The following NEGR1 variants were observed in gnomAD, a reference collection of about 807,000 sequenced individuals.
The protein encoded by NEGR1 is IgLON family member 4.
In NEGR1, 10 loss-of-function variants were observed where a neutral mutation model predicts 40.9. The ratio of observed to expected loss-of-function variants is 0.24; its 90% CI spans 0.15 to 0.42. The LOEUF is 0.42. Among genes scored for constraint, NEGR1 ranks in the 10% least tolerant of loss-of-function variants. The probability of loss-of-function intolerance (pLI) is 1.00; values close to 1 mark genes in which losing one functional copy is unlikely to be tolerated. For missense variants in NEGR1, 352 were observed against 438.9 expected (o/e 0.80, Z 1.77); for synonymous variants, 185 against 166.8 (o/e 1.11, Z -0.84).
intron 1 of NEGR1, among the ~76,000 whole-genome samples, chr1:72,130,462 G>A (rs1317022439): frequency 6.6e-6 from 1 of 152,114 alleles, no homozygotes; most frequent in Non-Finnish European, 1.5e-5. Flanking sequence ...TCTGTCATGA[G>A]GAAGCTGAAG....
chr1:71,493,534 C>CTT (rs1276865045), intron 6 of NEGR1, among the ~76,000 whole-genome samples: 1 of 152,082 alleles, frequency 6.6e-6, no homozygotes, highest in African/African-American at 2.4e-5. Flanking sequence ...ACTATTTTCT[C>CTT]TTTTTAAGTC....
intron 6 of NEGR1, among the ~76,000 whole-genome samples, chr1:71,529,846 C>A (rs1647300127): frequency 6.6e-6 from 1 of 151,112 alleles, no homozygotes; most frequent in African/African-American, 2.4e-5. Context: ...GAATAGTTTT[C>A]TTTCATTCTT....
intron 1 of NEGR1, among the ~76,000 whole-genome samples, chr1:72,131,707 G>A (rs1195314500): frequency 1.3e-5 from 2 of 152,096 alleles, no homozygotes; most frequent in African/African-American, 2.4e-5. Context: ...TGTAAATTAG[G>A]TGATAAACCT....
rs114478469 is a variant in NEGR1 at position 71,770,057 on chromosome 1, G to A, written c.535+6115C>T. 5.1e-3 allele frequency among the ~76,000 whole-genome samples: 779 copies of A among 152,122 alleles called. 6 individuals are homozygous for A. The highest frequency in any genetic ancestry group is 0.018 in the African/African-American group (745 of 41,488). ...ATTATCTTAATCACTAGGCCCTACCGGCACCATCTCATAAGTAAATTCCTG... is the reference window on the plus strand; with the variant it reads ...ATTATCTTAATCACTAGGCCCTACCAGCACCATCTCATAAGTAAATTCCTG... On this transcript the variant is annotated intron_variant, in intron 3 of 6. Transcript: ENST00000357731.
intron 1 of NEGR1, among the ~76,000 whole-genome samples, chr1:71,996,616 G>A (rs915488951): frequency 6.6e-6 from 1 of 151,906 alleles, no homozygotes; most frequent in South Asian, 2.1e-4. Flanking sequence ...CGCTGTCAAG[G>A]CTACTTCCTC....
intron 6 of NEGR1, among the ~76,000 whole-genome samples, chr1:71,482,319 A>G (rs1324564711): frequency 6.6e-6 from 1 of 151,862 alleles, no homozygotes; most frequent in East Asian, 1.9e-4. Context: ...TCTAGCATGT[A>G]TAGAATTTTT....
At chr1:72,022,521 CAT>C (rs1311762643) in intron 1 of NEGR1, among the ~76,000 whole-genome samples, 1 of 149,630 alleles carries the variant, frequency 6.7e-6, no homozygotes, top group Non-Finnish European at 1.5e-5. Context: ...CATCTACACA[CAT>C]ATATATAATT....
chr1:71,873,863 A>C (rs1191755591), intron 2 of NEGR1, among the ~76,000 whole-genome samples: 1 of 152,128 alleles, frequency 6.6e-6, no homozygotes, highest in African/African-American at 2.4e-5. Flanking sequence ...TATGACAGAA[A>C]CTCTGTTGTG....
At chr1:71,534,535 T>C (rs1647455148) in intron 6 of NEGR1, among the ~76,000 whole-genome samples, 1 of 151,566 alleles carries the variant, frequency 6.6e-6, no homozygotes, top group Admixed American at 6.6e-5. Flanking sequence ...TACTCTCAAA[T>C]GGAAAATAAT....
chr1:72,073,108 T>C (rs537333289), intron 1 of NEGR1, among the ~76,000 whole-genome samples: 25 of 152,204 alleles, frequency 1.6e-4, no homozygotes, highest in African/African-American at 6.0e-4. Flanking sequence ...ATGTGAGCAG[T>C]GATACAGTCC....
chr1:72,013,660 G>T (rs1471511568), intron 1 of NEGR1, among the ~76,000 whole-genome samples: 4 of 151,884 alleles, frequency 2.6e-5, no homozygotes, highest in Non-Finnish European at 5.9e-5. Context: ...ATATTGGAAA[G>T]TATTAATTGA....
At chr1:71,576,549 G>T (rs1051614164) in intron 6 of NEGR1, among the ~76,000 whole-genome samples, 1 of 152,088 alleles carries the variant, frequency 6.6e-6, no homozygotes, top group Non-Finnish European at 1.5e-5. Context: ...ACAAGGAAGG[G>T]CAGGCCTAGA....
At chr1:71,456,216 G>A (rs1422296273) in intron 6 of NEGR1, among the ~76,000 whole-genome samples, 1 of 152,156 alleles carries the variant, frequency 6.6e-6, no homozygotes, top group East Asian at 1.9e-4. Flanking sequence ...GTCCACAGAA[G>A]GGAATAATTG....
chr1:71,802,537 G>A (rs1011092081), intron 2 of NEGR1, among the ~76,000 whole-genome samples: 1 of 152,176 alleles, frequency 6.6e-6, no homozygotes, highest in African/African-American at 2.4e-5. Flanking sequence ...CAGAGAGGGT[G>A]GGGCCACCTC....
chr1:71,680,500 TA>T (rs1240698226), intron 4 of NEGR1, among the ~76,000 whole-genome samples: 1 of 152,162 alleles, frequency 6.6e-6, no homozygotes. Context: ...ATGCCACAGA[TA>T]AACATTAGAC....
At chr1:72,009,097 G>A (rs1422483450) in intron 1 of NEGR1, among the ~76,000 whole-genome samples, 2 of 151,752 alleles carry the variant, frequency 1.3e-5, no homozygotes, top group Non-Finnish European at 2.9e-5. Context: ...ATATGTAATG[G>A]TGCATATTAC....
chr1:71,812,639 T>A (rs769311278), intron 2 of NEGR1, among the ~76,000 whole-genome samples: 96 of 152,326 alleles, frequency 6.3e-4, no homozygotes, highest in Non-Finnish European at 1.1e-3. Context: ...TGCATTTTTC[T>A]AATGATCTGT....
At chr1:71,633,975 T>C (rs572298247) in intron 4 of NEGR1, among the ~76,000 whole-genome samples, 1 of 151,844 alleles carries the variant, frequency 6.6e-6, no homozygotes, top group African/African-American at 2.4e-5. Context: ...AAACAAGGAG[T>C]GGAATTTAAG....
chr1:72,180,415 T>TA (rs199654197), intron 1 of NEGR1, among the ~76,000 whole-genome samples: 21,029 of 147,064 alleles, frequency 0.14, 1,702 homozygotes, highest in Non-Finnish European at 0.19. Context: ...AAGTGATATT[T>TA]AAAAAAAAAA....
Sources: allele counts gnomAD v4.1 joint callset (sites outside exome capture counted in the v4.1 genomes callset), GRCh38; gene constraint gnomAD v4.1.1; transcripts MANE v1.5; gene names NCBI Gene and HGNC (gene_info 2026-07-23, HGNC 2026-07-21).